Variants in AATK observed in about 807,000 individuals in gnomAD.
AATK encodes lemur tail kinase 1, also known as serine/threonine-protein kinase LMTK1.
A neutral mutation model predicts 114.3 loss-of-function variants in AATK; 91 were observed. The observed-to-expected ratio is 0.80, with a 90% CI of 0.67 to 0.95. The LOEUF is 0.95. AATK is among the 40% of genes least tolerant of loss of function. The pLI, the probability that AATK is intolerant of heterozygous loss-of-function variation, is 0.00. For missense variants in AATK, 2,176 were observed against 1,965.2 expected (o/e 1.11, Z -2.03); for synonymous variants, 1,075 against 916.5 (o/e 1.17, Z -3.12).
chr17:81,131,760 G>A (rs1055828067), intron 2 of AATK: 31 of 1,201,402 alleles, frequency 2.6e-5, no homozygotes, highest in South Asian at 1.0e-4. Flanking sequence ...GCGCAGCTTC[G>A]GGGACAGGAA....
At chr17:81,159,494 G>A (rs1489556062) in intron 1 of AATK, among the ~76,000 whole-genome samples, 1 of 152,158 alleles carries the variant, frequency 6.6e-6, no homozygotes, top group Non-Finnish European at 1.5e-5. Flanking sequence ...TCACTAGGAA[G>A]CCACACGCCT....
intron 1 of AATK, among the ~76,000 whole-genome samples, chr17:81,143,417 A>G (rs890158531): frequency 1.3e-5 from 2 of 151,594 alleles, no homozygotes; most frequent in South Asian, 4.2e-4. Flanking sequence ...GTCCAAATGC[A>G]CTTCCCCTCA....
At chr17:81,165,704 G>T in intron 1 of AATK, 1 of 1,519,254 alleles carries the variant, frequency 6.6e-7, no homozygotes, top group South Asian at 1.2e-5. Flanking sequence ...GGCAGCCACG[G>T]AGTCACGACC....
intron 2 of AATK, among the ~76,000 whole-genome samples, chr17:81,132,338 GCTC>G (rs1418026301): frequency 6.6e-6 from 1 of 152,208 alleles, no homozygotes; most frequent in Non-Finnish European, 1.5e-5. Context: ...GGAGGCCTGG[GCTC>G]CTCAAGTACG....
At chr17:81,131,023 C>T (rs919331399) in intron 3 of AATK, 38 bp downstream of exon 3, 20 of 1,538,428 alleles carry the variant, frequency 1.3e-5, no homozygotes, top group East Asian at 7.3e-5. Flanking sequence ...ACCTGGGCCC[C>T]GGAGGGAGGC....
At chr17:81,158,264 G>A (rs932687609) in intron 1 of AATK, among the ~76,000 whole-genome samples, 1 of 152,220 alleles carries the variant, frequency 6.6e-6, no homozygotes, top group Non-Finnish European at 1.5e-5. Flanking sequence ...GCCAGGGTCC[G>A]AGCAGGGTCC....
intron 1 of AATK, among the ~76,000 whole-genome samples, chr17:81,135,055 C>T (rs1217301183): frequency 6.6e-6 from 1 of 152,136 alleles, no homozygotes; most frequent in Non-Finnish European, 1.5e-5. Context: ...CCGTGTGCCA[C>T]CTGCTGCCTC....
Position 81,126,510 on chromosome 17 carries a change from A to G in AATK, c.672T>C (p.Ala224=). The change falls in exon 7 of 14, where the codon GCT becomes GCC. Residue 224 remains alanine (A), a synonymous_variant. Transcript: ENST00000326724. This position sits in a 1 kb window ranked among gnomAD's most constrained non-coding sequence, Gnocchi z 5.1. The part of the protein sequence containing the change: ...LRSCRVAESM[A]PDPRTLQRMA... Reference sequence around the variant, plus strand: ...TGCGCTGCAGGGTCCGGGGGTCGGGAGCCATGGACTCCGCCACCCGGCAGC... The same window carrying G: ...TGCGCTGCAGGGTCCGGGGGTCGGGGGCCATGGACTCCGCCACCCGGCAGC... The G allele has an allele frequency of 6.5e-7, 1 of 1,550,104 alleles. No individual in the cohort carries two copies. Among genetic ancestry groups the G allele is most frequent in the Non-Finnish European group, 8.7e-7 (1 of 1,146,476 alleles).
chr17:81,122,095 G>T lies in AATK; in HGVS notation c.1841C>A (p.Ala614Glu). The stretch of plus-strand genomic sequence containing the variant: ...TCCCTCCGCCAGACTCAGGGGCCCC[G>T]CCGAGGGCGAGGGAGAGCGTGAGGG... ...LCPSRSPSPS[A>E]GPLSLAEGGA... The change falls in exon 11 of 14, where the codon GCG becomes GAG. Residue 614 changes from alanine to glutamate, a missense_variant. Coordinates refer to ENST00000326724, the MANE Select transcript of AATK (RefSeq NM_001080395.3). 1.3e-6 allele frequency: 2 copies of T among 1,576,642 alleles called. No individual in the cohort carries two copies. Among genetic ancestry groups the T allele is most frequent in the Non-Finnish European group, 1.7e-6 (2 of 1,167,978 alleles).
chr17:81,134,601 C>G lies in AATK; in HGVS notation c.56-100G>C, dbSNP rs1328481565. 3 of 1,450,174 alleles carry G rather than the reference C, an allele frequency of 2.1e-6. No homozygotes were observed. In the Admixed American group the frequency reaches 6.4e-5, roughly 31 times the overall value. The allele number at this position is 1,450,174 out of a possible 1,614,324, so 89.8% of individuals were successfully genotyped here. On this transcript the variant is annotated intron_variant, in intron 1 of 13. Transcript: ENST00000326724. ...CAGCCCCACCTGGACTTGCTGCATT[C>G]CAGGCTGGGCCTCAGCACCCTGACC...
At chr17:81,158,819 G>A (rs974859793) in intron 1 of AATK, among the ~76,000 whole-genome samples, 3 of 152,188 alleles carry the variant, frequency 2.0e-5, no homozygotes, top group Admixed American at 6.5e-5. Flanking sequence ...CAGCACTGGC[G>A]GGAGGGGAAG....
chr17:81,130,575 C>T (rs953148234), intron 3 of AATK, among the ~76,000 whole-genome samples: 2 of 152,316 alleles, frequency 1.3e-5, no homozygotes, highest in Non-Finnish European at 2.9e-5. Context: ...AGCGCCCCTC[C>T]TCCTGCCATG....
chr17:81,146,580 G>A (rs577482994), intron 1 of AATK, among the ~76,000 whole-genome samples: 3 of 152,108 alleles, frequency 2.0e-5, no homozygotes, highest in Admixed American at 2.0e-4. Context: ...GCCGGGCATG[G>A]TGGCAGGTGC....
At chr17:81,144,823 C>T (rs932081048) in intron 1 of AATK, among the ~76,000 whole-genome samples, 4 of 152,246 alleles carry the variant, frequency 2.6e-5, no homozygotes, top group Non-Finnish European at 4.4e-5. Context: ...AAAGCACAGA[C>T]AGGAAATCTG....
At chr17:81,128,720 G>T in intron 3 of AATK, 171 bp from the exon 4 acceptor site, 1 of 1,427,462 alleles carries the variant, frequency 7.0e-7, no homozygotes, top group Non-Finnish European at 9.2e-7. Context: ...TCTCTTGAGA[G>T]CAGGGGCCGC....
intron 1 of AATK, among the ~76,000 whole-genome samples, chr17:81,146,200 A>AAAAG (rs1445758770): frequency 3.3e-5 from 5 of 151,024 alleles, no homozygotes; most frequent in Middle Eastern, 3.4e-3. Context: ...AAAAAAAAAA[A>AAAAG]AAAAGAAAAA....
intron 1 of AATK, among the ~76,000 whole-genome samples, chr17:81,147,413 T>A (rs1277317687): frequency 1.4e-5 from 2 of 148,008 alleles, no homozygotes; most frequent in Non-Finnish European, 3.0e-5. Flanking sequence ...AGTGAAAGAA[T>A]GATGAAATAA....
intron 1 of AATK, among the ~76,000 whole-genome samples, chr17:81,136,672 C>A (rs1567816602): frequency 6.6e-6 from 1 of 152,224 alleles, no homozygotes; most frequent in Non-Finnish European, 1.5e-5. Flanking sequence ...TCATTCAGCA[C>A]CACGTGCTGA....
intron 1 of AATK, among the ~76,000 whole-genome samples, chr17:81,150,666 CT>C (rs143709948): frequency 0.027 from 4,166 of 152,268 alleles, 187 homozygotes; most frequent in African/African-American, 0.095. Context: ...GAGGCTCCCC[CT>C]GGCACTGCCA....
Sources: gnomAD v4.1 joint callset for allele counts (sites outside exome capture counted in the v4.1 genomes callset) on GRCh38, gnomAD v4.1.1 for gene constraint, Gnocchi (gnomAD v3.1) non-coding constraint, MANE v1.5 for transcripts, NCBI Gene and HGNC (gene_info 2026-07-23, HGNC 2026-07-21) for gene names.